Variants in OPA1 observed in about 807,000 individuals in gnomAD.
The protein encoded by OPA1 is OPA1 mitochondrial dynamin like GTPase, also known as dynamin-like GTPase OPA1, mitochondrial.
In OPA1, 59 loss-of-function variants were observed where a neutral mutation model predicts 152.9. That is an observed-to-expected ratio of 0.39 (90% confidence interval 0.31 to 0.48). The LOEUF is 0.48. Among genes scored for constraint, OPA1 ranks in the 20% least tolerant of loss-of-function variants. The probability of loss-of-function intolerance (pLI) is 0.96; values close to 1 mark genes in which losing one functional copy is unlikely to be tolerated. For missense variants in OPA1, 1,008 were observed against 1,216.8 expected, an observed-to-expected ratio of 0.83 and a Z score of 2.55; for synonymous variants, 400 against 389.9, an observed-to-expected ratio of 1.03 and a Z score of -0.31.
chr3:193,615,061 T>C lies in OPA1; in HGVS notation c.351+20T>C. ...AAAAAGGTGAACTTGACATTCCTCC[T>C]GGTTTTCCAATTATTATATCATGAT... is the stretch of plus-strand genomic sequence containing the variant. On this transcript the variant is annotated intron_variant, in intron 2 of 30. Transcript: ENST00000361510. The C allele has an allele frequency of 6.3e-7, 1 of 1,578,884 alleles. No individual in the cohort carries two copies. Among genetic ancestry groups the C allele is most frequent in the Non-Finnish European group, 8.7e-7 (1 of 1,147,962 alleles).
intron 25 of OPA1, among the ~76,000 whole-genome samples, chr3:193,662,519 A>G (rs1715524007): frequency 6.6e-6 from 1 of 152,180 alleles, no homozygotes; most frequent in Non-Finnish European, 1.5e-5. Context: ...AATACATGGT[A>G]AGATTCCTGG....
intron 8 of OPA1, among the ~76,000 whole-genome samples, chr3:193,633,220 C>T (rs1423567203): frequency 6.6e-6 from 1 of 152,134 alleles, no homozygotes; most frequent in Non-Finnish European, 1.5e-5. Flanking sequence ...TTCTTGACCC[C>T]ATCCCATACC....
intron 30 of OPA1, among the ~76,000 whole-genome samples, chr3:193,692,912 A>G (rs767942571): frequency 1.9e-4 from 29 of 152,360 alleles, no homozygotes; most frequent in South Asian, 1.0e-3. Context: ...TCATGCCACC[A>G]TGCCCAGCTA....
At chr3:193,656,893 C>T (rs1303222075) in intron 22 of OPA1, among the ~76,000 whole-genome samples, 187 bp from the exon 23 acceptor site, 1 of 152,194 alleles carries the variant, frequency 6.6e-6, no homozygotes, top group African/African-American at 2.4e-5. Flanking sequence ...TATCTGTCCC[C>T]AGCAACCCGT....
chr3:193,610,949 C>G (rs1480949870), intron 1 of OPA1, among the ~76,000 whole-genome samples: 1 of 152,180 alleles, frequency 6.6e-6, no homozygotes, highest in Admixed American at 6.5e-5. Flanking sequence ...CTTTCCTTGG[C>G]TAGGAAAGGG....
intron 29 of OPA1, among the ~76,000 whole-genome samples, chr3:193,672,804 G>T (rs186843741): frequency 6.7e-6 from 1 of 150,138 alleles, no homozygotes; most frequent in Non-Finnish European, 1.5e-5. Context: ...GGGAGGCAGA[G>T]GTTGCAGTGA....
chr3:193,660,239 C>G (rs1714938512), intron 25 of OPA1, among the ~76,000 whole-genome samples: 1 of 152,148 alleles, frequency 6.6e-6, no homozygotes, highest in African/African-American at 2.4e-5. Context: ...TCACCTCCAC[C>G]CCTGTTCATT....
rs1351993422 is a variant in OPA1, at chr3:193,635,340, G to A, written c.844-78G>A. ...TAGGAGATATGACTTCAAGATTTTG[G>A]AAGATTTTAATTTAGACTTAATACT... On this transcript the variant is annotated intron_variant, in intron 8 of 30. Coordinates refer to ENST00000361510, the MANE Select transcript of OPA1 (RefSeq NM_130837.3). 4 of 868,206 alleles carry A rather than the reference G, an allele frequency of 4.6e-6. No individual in the cohort carries two copies. The East Asian group carries it at 9.9e-5, about 21-fold the overall frequency. 53.8% of individuals were successfully genotyped at this position (868,206 alleles called of 1,614,324 possible).
At chr3:193,655,115 C>G in intron 22 of OPA1, 88 bp downstream of exon 22, 1 of 1,199,590 alleles carries the variant, frequency 8.3e-7, no homozygotes, top group Admixed American at 1.9e-5. Flanking sequence ...CCATCACAGC[C>G]TCTATCTTTC....
In OPA1 at chr3:193,695,770, T is replaced by C. The variant is rs1722198750; in HGVS notation, c.*1170T>C. 1 of 152,244 alleles carries C rather than the reference T, an allele frequency of 6.6e-6. No homozygotes were observed. Among genetic ancestry groups the C allele is most frequent in the African/African-American group, 2.4e-5 (1 of 41,468 alleles). The allele number at this position is 152,244 out of a possible 1,614,324, so 9.4% of individuals were successfully genotyped here. A position where few individuals can be genotyped will look rare whatever the true frequency, so the allele number is the denominator to read the frequency against. On this transcript the variant is annotated 3_prime_UTR_variant, in exon 31 of 31. Transcript: ENST00000361510. ...GTGTCCATTGTGTGATGTTTTTGAT[T>C]TTACAGTTTGCTAAATCTTATTTTC...
rs1716538991 is a variant in OPA1, at chr3:193,666,370, A to G, written c.2853A>G (p.Gln951=). ...MLAITANTLR[Q]QLTNTEVRRL... ...CTATCACCGCAAATACTTTAAGGCA[A>G]CAACTTACAAATACTGAAGGTAAGC... The change falls in exon 28 of 31, where the codon CAA becomes CAG. Residue 951 remains glutamine (Q), a synonymous_variant. Transcript: ENST00000361510. The G allele has an allele frequency of 1.2e-6, 2 of 1,613,888 alleles. No homozygotes were observed. The highest frequency in any genetic ancestry group is 2.2e-5 in the South Asian group (2 of 91,078).
At chr3:193,687,738 G>C (rs375746596) in intron 29 of OPA1, among the ~76,000 whole-genome samples, 47 of 152,272 alleles carry the variant, frequency 3.1e-4, no homozygotes, top group African/African-American at 1.1e-3. Flanking sequence ...TTAGTATACA[G>C]ACATTCTTGG....
intron 1 of OPA1, among the ~76,000 whole-genome samples, chr3:193,610,740 C>T (rs1363824371): frequency 6.6e-6 from 1 of 152,240 alleles, no homozygotes; most frequent in Non-Finnish European, 1.5e-5. Flanking sequence ...CAATGGCGGG[C>T]ACCCCTCCCC....
At chr3:193,645,675 A>G (rs1734467788) in intron 17 of OPA1, 50 bp downstream of exon 17, 2 of 1,607,844 alleles carry the variant, frequency 1.2e-6, no homozygotes, top group Non-Finnish European at 1.7e-6. Flanking sequence ...TGTTGTTTTC[A>G]AATAATAAAG....
chr3:193,598,075 C>T (rs147186385), intron 1 of OPA1, among the ~76,000 whole-genome samples: 2 of 152,132 alleles, frequency 1.3e-5, no homozygotes, highest in Non-Finnish European at 2.9e-5. Context: ...AGCAAGACTT[C>T]GTCTCAAAAA....
chr3:193,597,547 C>T (rs1387338983), intron 1 of OPA1, among the ~76,000 whole-genome samples: 2 of 151,728 alleles, frequency 1.3e-5, no homozygotes, highest in East Asian at 3.9e-4. Flanking sequence ...AAAAAGTAGC[C>T]AGGTGTGGTG....
In OPA1 at chr3:193,677,291, CT is replaced by C. The variant is rs752472474; in HGVS notation, c.2983+10029del. 3.4e-3 allele frequency among the ~76,000 whole-genome samples: 427 copies of C among 125,432 alleles called. 1 individual carries two copies. The highest frequency in any genetic ancestry group is 0.023 in the East Asian group (97 of 4,308). The allele number at this position is 125,432 out of a possible 152,430, so 82.3% of individuals were successfully genotyped here. A position where few individuals can be genotyped will look rare whatever the true frequency, so the allele number is the denominator to read the frequency against. On this transcript the variant is annotated intron_variant, in intron 29 of 30. Transcript: ENST00000361510. ...TGCACAATTTTTTTTTCTTTTACTT[CT>C]TTTTTTTTTTTTTTTTTCTTTAGAA...
intron 7 of OPA1, among the ~76,000 whole-genome samples, chr3:193,629,692 A>C (rs887032786): frequency 6.6e-6 from 1 of 152,142 alleles, no homozygotes. Context: ...TATATTTGTA[A>C]TATTCTACTA....
intron 26 of OPA1, among the ~76,000 whole-genome samples, chr3:193,663,991 A>G (rs1006267662): frequency 6.6e-6 from 1 of 152,116 alleles, no homozygotes. Flanking sequence ...TGGTGAATAC[A>G]GTAGGAGGGA....
Sources: allele counts gnomAD v4.1 joint callset (sites outside exome capture counted in the v4.1 genomes callset), GRCh38; gene constraint gnomAD v4.1.1; transcripts MANE v1.5; gene names NCBI Gene and HGNC (gene_info 2026-07-23, HGNC 2026-07-21).